GPM6A: variants seen among roughly 807,000 people sequenced by gnomAD.
GPM6A encodes glycoprotein M6A, also known as neuronal membrane glycoprotein M6-a.
In GPM6A, 7 loss-of-function variants were observed where a neutral mutation model predicts 32.1. The ratio of observed to expected loss-of-function variants is 0.22; its 90% CI spans 0.12 to 0.41. GPM6A has a LOEUF of 0.41. Among genes scored for constraint, GPM6A ranks in the 10% least tolerant of loss-of-function variants. The probability of loss-of-function intolerance (pLI) is 1.00; values close to 1 mark genes in which losing one functional copy is unlikely to be tolerated. For synonymous variants in GPM6A, 130 were observed against 123.4 expected (o/e 1.05, Z -0.35); for missense variants, 235 against 347.2 (o/e 0.68, Z 2.57).
chr4:175,895,434 C>A (rs1465057318), intron 1 of GPM6A, among the ~76,000 whole-genome samples: 5 of 151,950 alleles, frequency 3.3e-5, no homozygotes, highest in African/African-American at 1.2e-4. Flanking sequence ...TTTCTTATTG[C>A]CAATTGGAAA....
chr4:175,696,005 G>A (rs1424728726), intron 2 of GPM6A, among the ~76,000 whole-genome samples: 1 of 152,072 alleles, frequency 6.6e-6, no homozygotes, highest in Non-Finnish European at 1.5e-5. Context: ...TGGTTGTTTA[G>A]GGTATGTTCA....
rs575466438 is a variant in GPM6A, at chr4:175,685,188, C to T, written c.231-11352G>A. On this transcript the variant is annotated intron_variant, in intron 2 of 6. Transcript: ENST00000393658. ...ACAGACGTGAGCCACCGCGCCTGGC[C>T]TATGTGTGTTTATTTTTACACATGA... Among the ~76,000 whole-genome samples the T allele has an allele frequency of 2.6e-3, 391 of 152,274 alleles. 2 individuals carry two copies. Among genetic ancestry groups the T allele is most frequent in the African/African-American group, 8.9e-3 (368 of 41,554 alleles).
intron 1 of GPM6A, among the ~76,000 whole-genome samples, chr4:175,778,097 T>C (rs1025143947): frequency 1.3e-5 from 2 of 152,128 alleles, no homozygotes; most frequent in South Asian, 2.1e-4. Context: ...CTCTCTACAA[T>C]GCTTATTAAA....
At chr4:175,710,948 G>A (rs1457929091) in intron 1 of GPM6A, among the ~76,000 whole-genome samples, 1 of 152,022 alleles carries the variant, frequency 6.6e-6, no homozygotes, top group African/African-American at 2.4e-5. Flanking sequence ...CACCCAATGT[G>A]AAGCCCAAGG....
At position 175,634,798 on chromosome 4, in the gene GPM6A, T is replaced by C; in HGVS notation, c.*107A>G. On this transcript the variant is annotated 3_prime_UTR_variant, in exon 7 of 7. Coordinates refer to ENST00000393658, the MANE Select transcript of GPM6A (RefSeq NM_201591.3). ...GGTGATTCATAAGTCACCTTACATATCATTGATGAGAAGCACTTTCGTTTT... is the reference window on the plus strand; with the variant it reads ...GGTGATTCATAAGTCACCTTACATACCATTGATGAGAAGCACTTTCGTTTT... 2.5e-6 allele frequency: 2 copies of C among 794,126 alleles called. No homozygotes were observed. Among genetic ancestry groups the C allele is most frequent in the Non-Finnish European group, 4.2e-6 (2 of 480,202 alleles). The allele number at this position is 794,126 out of a possible 1,614,324, so 49.2% of individuals were successfully genotyped here.
chr4:175,794,845 T>TA (rs11371666), intron 1 of GPM6A, among the ~76,000 whole-genome samples: 151,350 of 152,294 alleles, frequency 0.99, 75,213 homozygotes, highest in Middle Eastern at 1. Flanking sequence ...GGCCATATTA[T>TA]AAGGGCTTGA....
intron 1 of GPM6A, among the ~76,000 whole-genome samples, chr4:175,984,306 G>GC (rs1740903794): frequency 6.6e-6 from 1 of 152,074 alleles, no homozygotes; most frequent in East Asian, 1.9e-4. Flanking sequence ...GGGACTACAG[G>GC]TGCGTTCCAC....
chr4:175,704,496 G>A (rs1476303046), intron 1 of GPM6A, among the ~76,000 whole-genome samples: 1 of 152,048 alleles, frequency 6.6e-6, no homozygotes. Context: ...CACAGTTTTG[G>A]GTGGAGATTA....
chr4:175,881,237 G>A (rs1447640933), intron 1 of GPM6A, among the ~76,000 whole-genome samples: 1 of 152,162 alleles, frequency 6.6e-6, no homozygotes, highest in African/African-American at 2.4e-5. Context: ...ACAGACACAT[G>A]AAAAAATGCT....
intron 3 of GPM6A, among the ~76,000 whole-genome samples, chr4:175,665,569 G>A (rs1196879369): frequency 3.3e-5 from 5 of 151,974 alleles, no homozygotes; most frequent in Non-Finnish European, 7.4e-5. Flanking sequence ...TCACCTGAGG[G>A]CAGGAGGTGT....
chr4:175,756,305 T>C (rs1057111031), intron 1 of GPM6A, among the ~76,000 whole-genome samples: 19 of 152,026 alleles, frequency 1.2e-4, no homozygotes, highest in African/African-American at 4.3e-4. Context: ...GGGTTTCTGA[T>C]GGAGTGATGG....
intron 1 of GPM6A, among the ~76,000 whole-genome samples, chr4:175,838,563 G>A (rs192048656): frequency 2.0e-4 from 30 of 149,708 alleles, no homozygotes; most frequent in Admixed American, 3.3e-4. Context: ...CTACATCCCC[G>A]TTCACATTTA....
At chr4:175,885,915 A>G (rs1320270318) in intron 1 of GPM6A, among the ~76,000 whole-genome samples, 1 of 152,232 alleles carries the variant, frequency 6.6e-6, no homozygotes, top group East Asian at 1.9e-4. Flanking sequence ...AGCAATTTAC[A>G]CAGACCACAT....
chr4:175,949,762 G>C (rs1017506509), intron 1 of GPM6A, among the ~76,000 whole-genome samples: 1 of 152,136 alleles, frequency 6.6e-6, no homozygotes, highest in Non-Finnish European at 1.5e-5. Flanking sequence ...GAACCGACAG[G>C]CTTTACAGTC....
chr4:175,771,426 GCCAGGCATGGTGGCACTCGCCTGTGTC>G (rs1733183935), intron 1 of GPM6A, among the ~76,000 whole-genome samples: 1 of 151,676 alleles, frequency 6.6e-6, no homozygotes, highest in African/African-American at 2.4e-5. Context: ...ACAAAAATTA[GCCAGGCATGGTGGCACTCGCCTGTGTC>G]CCAGCTACTG....
At chr4:176,000,767 G>A (rs764689665) in intron 1 of GPM6A, among the ~76,000 whole-genome samples, 1 of 152,060 alleles carries the variant, frequency 6.6e-6, no homozygotes, top group Non-Finnish European at 1.5e-5. Context: ...GTTGGGTTTA[G>A]GAGAAAAATT....
intron 1 of GPM6A, among the ~76,000 whole-genome samples, chr4:175,948,954 GGTAAGT>G (rs1012674725): frequency 1.0e-5 from 1 of 96,340 alleles, no homozygotes; most frequent in African/African-American, 4.6e-5. Flanking sequence ...TGCATTTGGT[GGTAAGT>G]GTGTGTGTGT....
At chr4:175,952,783 G>A (rs752546788) in intron 1 of GPM6A, among the ~76,000 whole-genome samples, 1 of 151,968 alleles carries the variant, frequency 6.6e-6, no homozygotes, top group Non-Finnish European at 1.5e-5. Context: ...TGGGAACTTG[G>A]GCCTGTAATC....
intron 1 of GPM6A, among the ~76,000 whole-genome samples, chr4:175,909,620 T>C (rs17062236): frequency 6.6e-6 from 1 of 152,136 alleles, no homozygotes; most frequent in Non-Finnish European, 1.5e-5. Context: ...CCATGTGGCA[T>C]ATTACTTATG....
Sources: allele counts gnomAD v4.1 joint callset (sites outside exome capture counted in the v4.1 genomes callset), GRCh38; gene constraint gnomAD v4.1.1; transcripts MANE v1.5; gene names NCBI Gene and HGNC (gene_info 2026-07-23, HGNC 2026-07-21).